Variants in DZIP3 observed in about 807,000 individuals in gnomAD.
DZIP3 encodes the protein DAZ interacting zinc finger protein 3, also known as E3 ubiquitin-protein ligase DZIP3.
In DZIP3, 118 loss-of-function variants were observed where a neutral mutation model predicts 162.0. The observed-to-expected ratio is 0.73, with a 90% CI of 0.63 to 0.85. The LOEUF is 0.85. DZIP3 is among the 40% of genes least tolerant of loss of function. The probability of loss-of-function intolerance (pLI) is 0.00; values close to 1 mark genes in which losing one functional copy is unlikely to be tolerated. For missense variants in DZIP3, 1,331 were observed against 1,407.0 expected (o/e 0.95, Z 0.86); for synonymous variants, 438 against 458.6 (o/e 0.96, Z 0.57).
chr3:108,654,562 T>C (rs1943024112), intron 19 of DZIP3, among the ~76,000 whole-genome samples: 1 of 152,120 alleles, frequency 6.6e-6, no homozygotes, highest in South Asian at 2.1e-4. Context: ...GCAAAGTTGA[T>C]TACAAATGCA....
In DZIP3 at chr3:108,616,674, T is replaced by G. The variant is rs1357939946; in HGVS notation, c.375+17T>G. 1 of 1,530,658 alleles carries G rather than the reference T, an allele frequency of 6.5e-7. No individual in the cohort carries two copies. The highest frequency in any genetic ancestry group is 8.9e-7 in the Non-Finnish European group (1 of 1,124,722). The allele number at this position is 1,530,658 out of a possible 1,614,324, so 94.8% of individuals were successfully genotyped here. ...AATTATACCGTAAGTGTTTTCTTTT[T>G]GGAAATTTGATATAATGGACTTGGT... On this transcript the variant is annotated intron_variant, in intron 5 of 32. Coordinates refer to ENST00000361582, the MANE Select transcript of DZIP3 (RefSeq NM_014648.4).
At chr3:108,636,730 T>G in intron 11 of DZIP3, 22 bp downstream of exon 11, 3 of 582,408 alleles carry the variant, frequency 5.2e-6, no homozygotes, top group Non-Finnish European at 6.3e-6. Context: ...GTTTTGTCCT[T>G]TTTTTTTTTT....
At chr3:108,596,438 T>C (rs995778486) in intron 1 of DZIP3, among the ~76,000 whole-genome samples, 1 of 152,106 alleles carries the variant, frequency 6.6e-6, no homozygotes, top group Non-Finnish European at 1.5e-5. Context: ...AGAAAAGACT[T>C]TTTAGGACTG....
intron 2 of DZIP3, 35 bp downstream of exon 2, chr3:108,605,473 G>T: frequency 1.2e-6 from 2 of 1,607,782 alleles, no homozygotes; most frequent in Non-Finnish European, 8.5e-7. Flanking sequence ...TTGGCACCAT[G>T]GACTGGTTTC....
chr3:108,622,208 A>T (rs536014410), intron 5 of DZIP3, among the ~76,000 whole-genome samples: 2 of 152,240 alleles, frequency 1.3e-5, no homozygotes, highest in East Asian at 3.9e-4. Flanking sequence ...TAGCTAGTAG[A>T]ATGATGGTTA....
chr3:108,648,883 A>G, intron 16 of DZIP3, 35 bp from the exon 17 acceptor site: 1 of 1,086,334 alleles, frequency 9.2e-7, no homozygotes, highest in Non-Finnish European at 1.2e-6. Flanking sequence ...GGCAATTTGA[A>G]TTACATATTT....
In DZIP3 at chr3:108,625,864, A is replaced by T; in HGVS notation, c.476A>T (p.Asn159Ile). Residue 159 changes from asparagine to isoleucine, a missense_variant, in exon 7 of 33, where the codon AAT becomes ATT. Coordinates refer to ENST00000361582, the MANE Select transcript of DZIP3 (RefSeq NM_014648.4). ...CTACAGGATTATACAGAAGCTGAGA[A>T]TAAATTTCTGGTGATGAAGATGATG... is the stretch of plus-strand genomic sequence containing the variant. ...GKKEDYTEAENKFLVMKMMIQ... is the reference protein window; with the variant it reads ...GKKEDYTEAEIKFLVMKMMIQ... 6.2e-7 allele frequency: 1 copy of T among 1,612,780 alleles called. No homozygotes were observed.
intron 14 of DZIP3, among the ~76,000 whole-genome samples, chr3:108,646,343 G>A (rs773820797): frequency 6.6e-6 from 1 of 152,118 alleles, no homozygotes. Flanking sequence ...ATAAATATTC[G>A]TTGCTTGGTT....
At chr3:108,633,836 ATCTCTC>A (rs5851601) in intron 9 of DZIP3, among the ~76,000 whole-genome samples, 5 of 49,264 alleles carry the variant, frequency 1.0e-4, no homozygotes, top group East Asian at 1.3e-3. Context: ...CTTCTGATAG[ATCTCTC>A]TCTCTCTGGA....
intron 2 of DZIP3, among the ~76,000 whole-genome samples, chr3:108,607,143 G>A (rs1940425202): frequency 6.6e-6 from 1 of 152,116 alleles, no homozygotes; most frequent in Admixed American, 6.5e-5. Context: ...ACCTTAAAGA[G>A]CACTGAGAAT....
At chr3:108,669,790 A>C in intron 22 of DZIP3, 41 bp downstream of exon 22, 1 of 1,445,986 alleles carries the variant, frequency 6.9e-7, no homozygotes, top group Non-Finnish European at 9.7e-7. Context: ...TCTCTCTGAA[A>C]CTGTATTTCA....
At position 108,625,896 on chromosome 3, in the gene DZIP3, G is replaced by A. The variant is rs1208813913; in HGVS notation, c.508G>A (p.Glu170Lys). Residue 170 changes from glutamate (E) to lysine (K), a missense_variant, in exon 7 of 33, where the codon GAA (glutamate) becomes AAA (lysine). Transcript: ENST00000361582. ...KFLVMKMMIQENEICENFMSL... is the reference protein window; with the variant it reads ...KFLVMKMMIQKNEICENFMSL... ...TCTGGTGATGAAGATGATGATCCAA[G>A]AAAATGAAATTTGTGAAAACTTTAT... 1 of 1,613,382 alleles carries A rather than the reference G, an allele frequency of 6.2e-7. No individual in the cohort carries two copies. Among genetic ancestry groups the A allele is most frequent in the Non-Finnish European group, 8.5e-7 (1 of 1,179,726 alleles).
intron 1 of DZIP3, among the ~76,000 whole-genome samples, chr3:108,599,789 G>T (rs1437920300): frequency 6.6e-6 from 1 of 152,158 alleles, no homozygotes. Flanking sequence ...ACCATGTGAG[G>T]ATACAACCAG....
chr3:108,657,908 G>A (rs1021040658), intron 19 of DZIP3, among the ~76,000 whole-genome samples: 2 of 152,092 alleles, frequency 1.3e-5, no homozygotes, highest in African/African-American at 4.8e-5. Flanking sequence ...TTTACATAAT[G>A]GTAAAGGGAT....
intron 1 of DZIP3, among the ~76,000 whole-genome samples, chr3:108,596,870 C>T (rs866854936): frequency 7.9e-5 from 12 of 152,228 alleles, no homozygotes; most frequent in East Asian, 3.9e-4. Context: ...TAGACATAAA[C>T]GGCTGGTAGA....
At position 108,647,971 on chromosome 3, in the gene DZIP3, G is replaced by A. The variant is rs749144380; in HGVS notation, c.1821G>A (p.Glu607=). The part of the protein sequence containing the change: ...QRIEIEELQN[E]EEELSPPLME... The stretch of plus-strand genomic sequence containing the variant: ...TTGAAATAGAAGAGTTACAGAATGA[G>A]GAAGAAGAACTAAGTCCACCTCTCA... Residue 607 remains glutamate, a synonymous_variant, in exon 16 of 33, where the codon GAG becomes GAA. Coordinates refer to ENST00000361582, the MANE Select transcript of DZIP3 (RefSeq NM_014648.4). 9 of 1,577,006 alleles carry A rather than the reference G, an allele frequency of 5.7e-6. No individual in the cohort carries two copies. The highest frequency in any genetic ancestry group is 6.9e-6 in the Non-Finnish European group (8 of 1,166,614).
At chr3:108,601,064 A>G (rs1008788644) in intron 1 of DZIP3, among the ~76,000 whole-genome samples, 2 of 152,158 alleles carry the variant, frequency 1.3e-5, no homozygotes, top group Non-Finnish European at 2.9e-5. Context: ...GTGTCTGTAC[A>G]TGTTGTATAA....
At chr3:108,646,910 G>A (rs572776008) in intron 15 of DZIP3, among the ~76,000 whole-genome samples, 11 of 152,130 alleles carry the variant, frequency 7.2e-5, no homozygotes, top group South Asian at 2.1e-4. Flanking sequence ...GTGTGGTGGC[G>A]GGTGCCTGTA....
chr3:108,681,118 T>G (rs1944289506), intron 26 of DZIP3, among the ~76,000 whole-genome samples: 1 of 151,716 alleles, frequency 6.6e-6, no homozygotes, highest in Admixed American at 6.6e-5. Context: ...ACTAAAGAGC[T>G]TCTGCACAGC....
Sources: allele counts gnomAD v4.1 joint callset (sites outside exome capture counted in the v4.1 genomes callset), GRCh38; gene constraint gnomAD v4.1.1; transcripts MANE v1.5; gene names NCBI Gene and HGNC (gene_info 2026-07-23, HGNC 2026-07-21).